The following MICU1 variants were observed in gnomAD, a reference collection of about 807,000 sequenced individuals.
MICU1 encodes the protein calcium uptake protein 1, mitochondrial.
Under a neutral mutation model 56.8 loss-of-function variants are expected in MICU1, and 45 were observed. The observed-to-expected ratio is 0.79, with a 90% CI of 0.62 to 1.02. The LOEUF is 1.02. MICU1 is among the 50% of genes least tolerant of loss of function. The pLI, the probability that MICU1 is intolerant of heterozygous loss-of-function variation, is 0.00. For synonymous variants in MICU1, 186 were observed against 195.1 expected (o/e 0.95, Z 0.39); for missense variants, 504 against 587.1 (o/e 0.86, Z 1.46).
chr10:72,484,266 T>G (rs1323877601), intron 6 of MICU1, among the ~76,000 whole-genome samples: 1 of 152,148 alleles, frequency 6.6e-6, no homozygotes, highest in East Asian at 1.9e-4. Flanking sequence ...GAAATTTCCT[T>G]AGTGGGAGAA....
intron 9 of MICU1, among the ~76,000 whole-genome samples, chr10:72,421,897 A>C (rs1864186806): frequency 6.6e-6 from 1 of 152,110 alleles, no homozygotes; most frequent in Non-Finnish European, 1.5e-5. Context: ...GAAGTCTTGC[A>C]TGTTCTGTTC....
intron 3 of MICU1, among the ~76,000 whole-genome samples, chr10:72,558,093 A>T (rs1285363800): frequency 4.6e-5 from 7 of 152,218 alleles, no homozygotes; most frequent in Non-Finnish European, 1.0e-4. Context: ...ATAACAAACC[A>T]TATCTTTACT....
chr10:72,560,166 A>G (rs1272921596), intron 3 of MICU1: 4 of 152,384 alleles, frequency 2.6e-5, no homozygotes, highest in South Asian at 2.1e-4. Context: ...GAGAAGAAAA[A>G]GGGGATTAAA....
At chr10:72,413,676 G>C (rs964091639) in intron 9 of MICU1, among the ~76,000 whole-genome samples, 1 of 152,098 alleles carries the variant, frequency 6.6e-6, no homozygotes, top group Non-Finnish European at 1.5e-5. Context: ...AGAGGTTCAA[G>C]TGAGCTGAGA....
At chr10:72,549,565 C>T (rs1839981378) in intron 4 of MICU1, among the ~76,000 whole-genome samples, 1 of 152,058 alleles carries the variant, frequency 6.6e-6, no homozygotes, top group Non-Finnish European at 1.5e-5. Flanking sequence ...ATATAATGAG[C>T]TATTATTCAT....
At chr10:72,386,924 A>G (rs1023507881) in intron 10 of MICU1, among the ~76,000 whole-genome samples, 5 of 152,208 alleles carry the variant, frequency 3.3e-5, no homozygotes, top group Non-Finnish European at 7.3e-5. Flanking sequence ...TAGATCTTAC[A>G]GGGAAACTAG....
intron 1 of MICU1, among the ~76,000 whole-genome samples, chr10:72,590,036 C>T (rs571097239): frequency 1.3e-5 from 2 of 152,100 alleles, no homozygotes; most frequent in African/African-American, 2.4e-5. Context: ...AATCTACCAG[C>T]ATATAAGTCT....
chr10:72,541,466 G>T (rs1839771895), intron 4 of MICU1, among the ~76,000 whole-genome samples: 1 of 152,012 alleles, frequency 6.6e-6, no homozygotes, highest in Admixed American at 6.6e-5. Context: ...TCAGACTTTT[G>T]CATTCTGGCA....
intron 3 of MICU1, among the ~76,000 whole-genome samples, chr10:72,553,468 C>A (rs942371628): frequency 1.3e-5 from 2 of 152,026 alleles, no homozygotes; most frequent in Admixed American, 6.6e-5. Context: ...CTCCAGACCT[C>A]ATGATCCGCC....
chr10:72,612,793 C>A, intron 1 of MICU1, among the ~76,000 whole-genome samples: 1 of 150,016 alleles, frequency 6.7e-6, no homozygotes. Flanking sequence ...AGAGTGAGAC[C>A]CTGTCTCAAA....
chr10:72,458,675 G>A (rs1487854205), intron 8 of MICU1, among the ~76,000 whole-genome samples: 1 of 150,668 alleles, frequency 6.6e-6, no homozygotes, highest in African/African-American at 2.4e-5. Flanking sequence ...AGGCTCCCAG[G>A]GTCACAGAAG....
At chr10:72,520,341 C>T (rs1404040618) in intron 5 of MICU1, among the ~76,000 whole-genome samples, 1 of 152,082 alleles carries the variant, frequency 6.6e-6, no homozygotes, top group African/African-American at 2.4e-5. Context: ...AAATGTTGCA[C>T]AGCTAAAATA....
intron 6 of MICU1, among the ~76,000 whole-genome samples, chr10:72,495,235 A>C (rs1866798819): frequency 4.3e-5 from 1 of 23,432 alleles, no homozygotes; most frequent in African/African-American, 1.2e-4. Flanking sequence ...CAGAGATCTA[A>C]AAAAAAAAAA....
At chr10:72,369,883 A>G (rs1862271321) in intron 11 of MICU1, among the ~76,000 whole-genome samples, 1 of 149,380 alleles carries the variant, frequency 6.7e-6, no homozygotes, top group African/African-American at 2.5e-5. Context: ...TAATTTTTGT[A>G]CATATATATT....
At chr10:72,376,059 G>A (rs1008270749) in intron 10 of MICU1, among the ~76,000 whole-genome samples, 187 bp from the exon 11 acceptor site, 2 of 152,286 alleles carry the variant, frequency 1.3e-5, no homozygotes, top group East Asian at 3.9e-4. Context: ...GGGAGGCCGA[G>A]GAGGGTGGAT....
At chr10:72,606,670 G>A (rs1287486917) in intron 1 of MICU1, among the ~76,000 whole-genome samples, 1 of 151,986 alleles carries the variant, frequency 6.6e-6, no homozygotes. Flanking sequence ...CCTCTGAAGT[G>A]ATGTGACTTT....
chr10:72,368,501 G>A (rs1432678310), intron 11 of MICU1, 146 bp from the exon 12 acceptor site: 1 of 899,778 alleles, frequency 1.1e-6, no homozygotes, highest in African/African-American at 1.7e-5. Flanking sequence ...GAATTCATTA[G>A]TTTATTCCTT....
chr10:72,387,163 C>G (rs183916840), intron 10 of MICU1, among the ~76,000 whole-genome samples: 2 of 152,150 alleles, frequency 1.3e-5, no homozygotes, highest in Non-Finnish European at 2.9e-5. Flanking sequence ...TTACTTCATT[C>G]AGTAAAAAGC....
At chr10:72,558,566 A>T (rs1840216077) in intron 3 of MICU1, among the ~76,000 whole-genome samples, 1 of 152,156 alleles carries the variant, frequency 6.6e-6, no homozygotes, top group South Asian at 2.1e-4. Context: ...GTAAGCTGCT[A>T]CCTAGAGAAA....
Sources: allele counts gnomAD v4.1 joint callset (sites outside exome capture counted in the v4.1 genomes callset), GRCh38; gene constraint gnomAD v4.1.1; transcripts MANE v1.5; gene names NCBI Gene and HGNC (gene_info 2026-07-23, HGNC 2026-07-21).